The following SLC16A12 variants were observed in gnomAD, a reference collection of about 807,000 sequenced individuals.
The protein encoded by SLC16A12 is solute carrier family 16 member 12.
SLC16A12 carries 17 observed loss-of-function variants against 42.4 expected under a neutral mutation model. That is an observed-to-expected ratio of 0.40 (90% CI 0.27 to 0.60). SLC16A12 has a LOEUF of 0.60. Ranked by LOEUF, SLC16A12 falls within the 20% of genes least tolerant of loss-of-function variation. The probability of loss-of-function intolerance (pLI) is 0.42; values close to 1 mark genes in which losing one functional copy is unlikely to be tolerated. For missense variants in SLC16A12, 544 were observed against 623.0 expected (o/e 0.87, Z 1.35); for synonymous variants, 224 against 229.4 (o/e 0.98, Z 0.21).
intron 2 of SLC16A12, among the ~76,000 whole-genome samples, chr10:89,508,692 T>C (rs1262131189): frequency 6.6e-6 from 1 of 151,640 alleles, no homozygotes; most frequent in African/African-American, 2.4e-5. Flanking sequence ...GCAAACAAAT[T>C]CAAAAGCTAG....
At chr10:89,435,934 C>T in intron 7 of SLC16A12, 126 bp downstream of exon 7, 3 of 1,371,106 alleles carry the variant, frequency 2.2e-6, no homozygotes, top group South Asian at 2.5e-5. Context: ...CTCTTATATC[C>T]CTTTTCTCTT....
At chr10:89,458,845 C>T (rs1342025601) in intron 3 of SLC16A12, among the ~76,000 whole-genome samples, 1 of 152,150 alleles carries the variant, frequency 6.6e-6, no homozygotes, top group Non-Finnish European at 1.5e-5. Flanking sequence ...GGATTATCCC[C>T]TTCCTATAAA....
chr10:89,440,073 C>CAAAAAAAAAAAAAAAA (rs10674171), intron 5 of SLC16A12, among the ~76,000 whole-genome samples: 1 of 31,430 alleles, frequency 3.2e-5, no homozygotes, highest in Non-Finnish European at 5.7e-5. Context: ...GACCCTGTCT[C>CAAAAAAAAAAAAAAAA]AAAAAAAAAA....
intron 2 of SLC16A12, among the ~76,000 whole-genome samples, chr10:89,511,629 G>A (rs542562040): frequency 6.6e-6 from 1 of 152,194 alleles, no homozygotes; most frequent in Non-Finnish European, 1.5e-5. Context: ...AATACTTAAT[G>A]TAAATGACGA....
chr10:89,499,078 C>A (rs141484323), intron 2 of SLC16A12, among the ~76,000 whole-genome samples: 2 of 152,096 alleles, frequency 1.3e-5, no homozygotes, highest in African/African-American at 4.8e-5. Flanking sequence ...TCTTTAACAT[C>A]CCCCAAAAAA....
chr10:89,489,444 T>C (rs1023801216), intron 2 of SLC16A12, among the ~76,000 whole-genome samples: 1 of 152,070 alleles, frequency 6.6e-6, no homozygotes, highest in Non-Finnish European at 1.5e-5. Flanking sequence ...GGCTCAAGGA[T>C]TCTTCCACCT....
chr10:89,459,671 T>C (rs973264744), intron 3 of SLC16A12, among the ~76,000 whole-genome samples: 4 of 152,176 alleles, frequency 2.6e-5, no homozygotes, highest in African/African-American at 9.7e-5. Flanking sequence ...CCGGGCATGG[T>C]GCCTCGCCCC....
At chr10:89,546,600 T>G (rs182199428) in intron 2 of SLC16A12, among the ~76,000 whole-genome samples, 78 of 152,308 alleles carry the variant, frequency 5.1e-4, no homozygotes, top group African/African-American at 1.7e-3. Flanking sequence ...GTAAATTAGT[T>G]CAACCACTGT....
chr10:89,514,399 T>A (rs1239326232), intron 2 of SLC16A12, among the ~76,000 whole-genome samples: 1 of 152,214 alleles, frequency 6.6e-6, no homozygotes, highest in Non-Finnish European at 1.5e-5. Context: ...CATAGGCTGG[T>A]GGCTTAAGCA....
chr10:89,495,262 G>A (rs1842907918), intron 2 of SLC16A12, among the ~76,000 whole-genome samples: 1 of 152,126 alleles, frequency 6.6e-6, no homozygotes, highest in Non-Finnish European at 1.5e-5. Context: ...GCTGAGACAG[G>A]AGAATTGCTT....
intron 5 of SLC16A12, 135 bp downstream of exon 5, chr10:89,440,973 G>T: frequency 9.6e-7 from 1 of 1,046,854 alleles, no homozygotes; most frequent in Non-Finnish European, 1.5e-6. Context: ...TTAACTGCTA[G>T]GTAGGTAGAC....
chr10:89,443,762 G>C lies in SLC16A12; in HGVS notation c.298C>G (p.Leu100Val), dbSNP rs1269252987. 3 of 1,610,306 alleles carry C rather than the reference G, an allele frequency of 1.9e-6. No individual in the cohort carries two copies. The Admixed American group carries it at 5.0e-5, about 27-fold the overall frequency. The part of the protein sequence containing the change: ...IHSIVDCVTM[L>V]CAPLGSVVSN... The stretch of plus-strand genomic sequence containing the variant: ...CCTAGTAAGTAATACTCACCACAGA[G>C]CATGGTCACACAATCTACAATGGAA... Residue 100 changes from leucine to valine, a missense_variant, in exon 4 of 8, where the codon CTC (leucine) becomes GTC (valine). Coordinates refer to ENST00000371790, the MANE Select transcript of SLC16A12 (RefSeq NM_213606.4).
intron 3 of SLC16A12, among the ~76,000 whole-genome samples, chr10:89,450,023 T>C (rs556262488): frequency 6.6e-6 from 1 of 152,340 alleles, no homozygotes; most frequent in African/African-American, 2.4e-5. Flanking sequence ...TCATCATCAC[T>C]GGCCATCAGA....
At chr10:89,465,381 G>A (rs1564578211) in intron 2 of SLC16A12, among the ~76,000 whole-genome samples, 1 of 152,194 alleles carries the variant, frequency 6.6e-6, no homozygotes, top group Non-Finnish European at 1.5e-5. Flanking sequence ...ATTGCAGCCT[G>A]ACGTAGCTAT....
intron 3 of SLC16A12, among the ~76,000 whole-genome samples, chr10:89,459,281 T>C (rs771569449): frequency 5.3e-5 from 8 of 151,682 alleles, no homozygotes; most frequent in Non-Finnish European, 1.0e-4. Context: ...TTGCCCATGT[T>C]AAGACAATGA....
chr10:89,511,613 A>T (rs1475200884), intron 2 of SLC16A12, among the ~76,000 whole-genome samples: 1 of 152,184 alleles, frequency 6.6e-6, no homozygotes. Context: ...GGATAGCATT[A>T]GGAGAAATAC....
At chr10:89,530,440 C>T (rs1489036565) in intron 2 of SLC16A12, among the ~76,000 whole-genome samples, 8 of 149,710 alleles carry the variant, frequency 5.3e-5, no homozygotes, top group South Asian at 2.1e-4. Context: ...TTTTCTGAGA[C>T]GGAGTCTCGC....
rs749436298 is a variant in SLC16A12 at position 89,431,759 on chromosome 10, G to C, written c.*1305C>G. 6.6e-6 allele frequency: 1 copy of C among 152,160 alleles called. No homozygotes were observed. The highest frequency in any genetic ancestry group is 2.4e-5 in the African/African-American group (1 of 41,424). 9.4% of individuals were successfully genotyped at this position (152,160 alleles called of 1,614,324 possible). A position where few individuals can be genotyped will look rare whatever the true frequency, so the allele number is the denominator to read the frequency against. ...CTTAAAATGGTTGGAAACAAGCTGG[G>C]GGATCTGGACTTTTTCTTCCCTCCA... On this transcript the variant is annotated 3_prime_UTR_variant, in exon 8 of 8. Transcript: ENST00000371790.
In SLC16A12 at chr10:89,459,161, C is replaced by T. The variant is rs576652076; in HGVS notation, c.200+3218G>A. ...TTCCTTGGTTCCTAGGTTTCTTAGT[C>T]TGAAGTGTGATTCTTAAGAGGGCCT... On this transcript the variant is annotated intron_variant, in intron 3 of 7. Transcript: ENST00000371790. Among the ~76,000 whole-genome samples the T allele has an allele frequency of 1.1e-4, 17 of 152,254 alleles. 1 individual carries two copies. In the South Asian group the frequency reaches 3.5e-3, roughly 32 times the overall value.
Sources: gnomAD v4.1 joint callset for allele counts (sites outside exome capture counted in the v4.1 genomes callset) on GRCh38, gnomAD v4.1.1 for gene constraint, MANE v1.5 for transcripts, NCBI Gene and HGNC (gene_info 2026-07-23, HGNC 2026-07-21) for gene names.